CEBPZ: variants seen among roughly 807,000 people sequenced by gnomAD.
CEBPZ encodes the protein CCAAT enhancer binding protein zeta.
Under a neutral mutation model 104.5 loss-of-function variants are expected in CEBPZ, and 78 were observed. That is an observed-to-expected ratio of 0.75 (90% confidence interval 0.62 to 0.90). The LOEUF is 0.90. Among genes scored for constraint, CEBPZ ranks in the 40% least tolerant of loss-of-function variants. The pLI is 0.00. For missense variants in CEBPZ, 1,439 were observed against 1,233.5 expected, an observed-to-expected ratio of 1.17 and a Z score of -2.50; for synonymous variants, 470 against 427.0, an observed-to-expected ratio of 1.10 and a Z score of -1.24.
intron 13 of CEBPZ, among the ~76,000 whole-genome samples, chr2:37,205,630 G>A (rs554600822): frequency 2.9e-4 from 44 of 152,232 alleles, no homozygotes; most frequent in Non-Finnish European, 4.7e-4. Context: ...ATACAGACGC[G>A]CATGAAACTT....
rs558287673 is a variant in CEBPZ at position 37,227,224 on chromosome 2, A to G, written c.1649+320T>C. On this transcript the variant is annotated intron_variant, in intron 2 of 15. Coordinates refer to ENST00000234170, the MANE Select transcript of CEBPZ (RefSeq NM_005760.3). ...ATATCTGCAATTTTATTTCTTTAAT[A>G]TCCCAAAAGATTTAAAACAAATATA... Among the ~76,000 whole-genome samples the G allele has an allele frequency of 5.9e-5, 9 of 152,364 alleles. No homozygotes were observed. In the East Asian group the frequency reaches 9.6e-4, roughly 16 times the overall value.
Position 37,211,887 on chromosome 2 carries a change from C to T in CEBPZ, c.2756G>A (p.Gly919Glu), listed in dbSNP as rs1422037982. 6.2e-7 allele frequency: 1 copy of T among 1,611,060 alleles called. No homozygotes were observed. Among genetic ancestry groups the T allele is most frequent in the East Asian group, 2.2e-5 (1 of 44,826 alleles). ...ATCATCTAACACATCCATGAATGTT[C>T]CTCCATCTTCATCAACTTCAGCAAA... ...EEFAEVDEDG[G>E]TFMDVLDDES... The change falls in exon 12 of 16, where the codon GGA becomes GAA. Residue 919 changes from glycine to glutamate, a missense_variant. Physicochemically the swap from Gly to Glu is moderately conservative, Grantham distance 98. Coordinates refer to ENST00000234170, the MANE Select transcript of CEBPZ (RefSeq NM_005760.3).
chr2:37,231,358 C>A, intron 1 of CEBPZ, 54 bp downstream of exon 1: 1 of 1,609,236 alleles, frequency 6.2e-7, no homozygotes, highest in Admixed American at 1.7e-5. Context: ...TCAGCCTAGC[C>A]ACCTTCGGAA....
At chr2:37,213,612 C>T (rs539813668) in intron 10 of CEBPZ, 26 of 312,824 alleles carry the variant, frequency 8.3e-5, no homozygotes, top group Non-Finnish European at 1.4e-4. Flanking sequence ...CAGGGTTTCA[C>T]CATATTGGCC....
At chr2:37,209,180 G>C (rs1677639401) in intron 13 of CEBPZ, 1 of 152,118 alleles carries the variant, frequency 6.6e-6, no homozygotes, top group African/African-American at 2.4e-5. Flanking sequence ...CCATGTTCAT[G>C]GATGGGTAGA....
In CEBPZ at chr2:37,212,406, C is replaced by T. The variant is rs770544326; in HGVS notation, c.2546-14G>A. ...CTTCAAATGTGTCTGCCAGACAATA[C>T]AGAAATGTGAGATACAACAAAGAAT... On this transcript the variant is annotated splice_polypyrimidine_tract_variant and intron_variant, in intron 10 of 15. Transcript: ENST00000234170. The T allele has an allele frequency of 5.0e-6, 8 of 1,606,034 alleles. No individual in the cohort carries two copies. In the African/African-American group the frequency reaches 5.4e-5, roughly 11 times the overall value.
intron 12 of CEBPZ, 165 bp from the exon 13 acceptor site, chr2:37,211,247 A>T: frequency 1.1e-5 from 5 of 444,582 alleles, no homozygotes. Flanking sequence ...AGACTGAGAA[A>T]AAGACTCTAA....
chr2:37,202,704 A>G (rs1677329805), intron 15 of CEBPZ, 80 bp downstream of exon 15: 3 of 324,266 alleles, frequency 9.3e-6, no homozygotes, highest in East Asian at 7.0e-5. Context: ...AATAAATAAA[A>G]TAACGAAAAT....
chr2:37,226,520 AATC>A (rs1440022255), intron 2 of CEBPZ, among the ~76,000 whole-genome samples: 1 of 152,222 alleles, frequency 6.6e-6, no homozygotes, highest in Non-Finnish European at 1.5e-5. Context: ...TCTTCATAAT[AATC>A]ATATGAGATA....
chr2:37,203,025 GTCTACATTATTCAATTATAAA>G lies in CEBPZ; in HGVS notation c.2885-38_2885-18del. The G allele has an allele frequency of 6.8e-7, 1 of 1,476,278 alleles. No individual in the cohort carries two copies. 91.4% of individuals were successfully genotyped at this position (1,476,278 alleles called of 1,614,324 possible). On this transcript the variant is annotated intron_variant, in intron 13 of 15. Coordinates refer to ENST00000234170, the MANE Select transcript of CEBPZ (RefSeq NM_005760.3). ...TTCTTGGCCCTAAAAAAAATTGTAA[GTCTACATTATTCAATTATAAA>G]TCTAATGATTTTAGAAAAATGCAAT...
At chr2:37,204,731 C>T (rs976405277) in intron 13 of CEBPZ, 1 of 152,162 alleles carries the variant, frequency 6.6e-6, no homozygotes, top group East Asian at 1.9e-4. Flanking sequence ...ATTAATAAAT[C>T]TGTTTAAAAT....
At position 37,228,347 on chromosome 2, in the gene CEBPZ, G is replaced by C. The variant is rs1398929919; in HGVS notation, c.846C>G (p.Cys282Trp). 18 of 1,614,050 alleles carry C rather than the reference G, an allele frequency of 1.1e-5. No individual in the cohort carries two copies. The highest frequency in any genetic ancestry group is 1.5e-5 in the Non-Finnish European group (18 of 1,180,032). ...CTTTGAAAGTATCCAAGGCCATAAG[G>C]CACTGCTGTTTGCTGCCCTTCTTTT... is the stretch of plus-strand genomic sequence containing the variant. Reference protein sequence around the residue: ...LVKKKGSKQQCLMALDTFKEL... With the variant: ...LVKKKGSKQQWLMALDTFKEL... The change falls in exon 2 of 16, where the codon TGC becomes TGG. Residue 282 changes from cysteine (C) to tryptophan (W), a missense_variant. Coordinates refer to ENST00000234170, the MANE Select transcript of CEBPZ (RefSeq NM_005760.3).
At chr2:37,205,908 G>A (rs1320010575) in intron 13 of CEBPZ, among the ~76,000 whole-genome samples, 1 of 152,174 alleles carries the variant, frequency 6.6e-6, no homozygotes, top group Non-Finnish European at 1.5e-5. Flanking sequence ...CATAATAAAG[G>A]AGCATGGATT....
intron 1 of CEBPZ, among the ~76,000 whole-genome samples, chr2:37,229,430 T>C (rs1302232443): frequency 1.3e-5 from 2 of 152,216 alleles, no homozygotes; most frequent in African/African-American, 2.4e-5. Flanking sequence ...TTTAAGAATA[T>C]GAAAAGATGT....
rs1409648770 is a variant in CEBPZ, at chr2:37,213,253, T to C, written c.2545+611A>G. On this transcript the variant is annotated intron_variant, in intron 10 of 15. Transcript: ENST00000234170. ...CTGATATACTATAATAGATTATGAA[T>C]AGTAAAAAGGATTTCTTTTTCACAT... Among the ~76,000 whole-genome samples, 6 of 152,282 alleles carry C rather than the reference T, an allele frequency of 3.9e-5. No homozygotes were observed. The East Asian group carries it at 1.2e-3, about 29-fold the overall frequency.
At chr2:37,210,468 G>A (rs28430450) in intron 13 of CEBPZ, 21,214 of 152,202 alleles carry the variant, frequency 0.14, 1,634 homozygotes, top group South Asian at 0.25. Context: ...AATGGCATTC[G>A]CAGCAACCTG....
Position 37,216,307 on chromosome 2 carries a change from G to C in CEBPZ, c.2311+9C>G. 2 of 1,610,754 alleles carry C rather than the reference G, an allele frequency of 1.2e-6. No individual in the cohort carries two copies. The highest frequency in any genetic ancestry group is 2.7e-5 in the African/African-American group (2 of 74,892). ...TGAAAGCCAAATAATTCACTAAATA[G>C]AAGCATACCTTTGCCTTTATGGGGC... On this transcript the variant is annotated intron_variant, in intron 7 of 15. Coordinates refer to ENST00000234170, the MANE Select transcript of CEBPZ (RefSeq NM_005760.3).
chr2:37,215,220 C>G (rs1456840554), intron 8 of CEBPZ: 1 of 272,242 alleles, frequency 3.7e-6, no homozygotes, highest in Non-Finnish European at 6.8e-6. Flanking sequence ...ACAGGGTTCT[C>G]TTACTGTTCT....
At chr2:37,220,164 A>G (rs1034783823) in intron 5 of CEBPZ, among the ~76,000 whole-genome samples, 5 of 151,930 alleles carry the variant, frequency 3.3e-5, no homozygotes, top group Non-Finnish European at 7.4e-5. Context: ...TAAAAATACA[A>G]AAATTAGCTG....
Sources: gnomAD v4.1 joint callset for allele counts (sites outside exome capture counted in the v4.1 genomes callset) on GRCh38, gnomAD v4.1.1 for gene constraint, MANE v1.5 for transcripts, NCBI Gene and HGNC (gene_info 2026-07-23, HGNC 2026-07-21) for gene names.